CHAF1B: variants seen among roughly 807,000 people sequenced by gnomAD.
The protein encoded by CHAF1B is chromatin assembly factor 1 subunit B.
A neutral mutation model predicts 60.7 loss-of-function variants in CHAF1B; 10 were observed. That is an observed-to-expected ratio of 0.16 (90% CI 0.10 to 0.28). CHAF1B has a LOEUF of 0.28. Ranked by LOEUF, CHAF1B falls within the 10% of genes least tolerant of loss-of-function variation. The pLI, the probability that CHAF1B is intolerant of heterozygous loss-of-function variation, is 1.00. For synonymous variants in CHAF1B, 261 were observed against 266.1 expected (o/e 0.98, Z 0.19); for missense variants, 558 against 708.4 (o/e 0.79, Z 2.41).
At chr21:36,412,820 C>T in intron 11 of CHAF1B, 64 bp from the exon 12 acceptor site, 2 of 1,491,642 alleles carry the variant, frequency 1.3e-6, no homozygotes, top group Non-Finnish European at 9.0e-7. Flanking sequence ...TCGAACTTCC[C>T]TCTTCTAAGT....
At chr21:36,390,060 G>A (rs1165217130) in intron 3 of CHAF1B, among the ~76,000 whole-genome samples, 2 of 152,178 alleles carry the variant, frequency 1.3e-5, no homozygotes, top group East Asian at 1.9e-4. Context: ...CAGGCTGGGT[G>A]CGGTGGCTCA....
chr21:36,390,885 G>T (rs529394391), intron 3 of CHAF1B, among the ~76,000 whole-genome samples: 2 of 152,110 alleles, frequency 1.3e-5, no homozygotes, highest in African/African-American at 4.8e-5. Flanking sequence ...TGAGCTCCTG[G>T]GCTAAAACAA....
At chr21:36,415,895 G>A (rs941982145) in intron 13 of CHAF1B, 31 of 330,222 alleles carry the variant, frequency 9.4e-5, no homozygotes, top group Non-Finnish European at 1.8e-4. Flanking sequence ...CGGGACTACA[G>A]GCGTGCGCCA....
intron 7 of CHAF1B, among the ~76,000 whole-genome samples, chr21:36,402,076 C>T (rs1010315242): frequency 3.3e-5 from 5 of 152,004 alleles, no homozygotes; most frequent in African/African-American, 1.2e-4. Context: ...TAAAAACTGT[C>T]CCAGACAGGT....
chr21:36,398,560 G>C (rs938136828), intron 6 of CHAF1B, among the ~76,000 whole-genome samples: 1 of 151,954 alleles, frequency 6.6e-6, no homozygotes, highest in Admixed American at 6.6e-5. Context: ...GAGTTTCACC[G>C]TATTGACGAT....
rs775713429 is a variant in CHAF1B at position 36,413,333 on chromosome 21, C to T, written c.1493+18C>T. 6 of 1,534,208 alleles carry T rather than the reference C, an allele frequency of 3.9e-6. No individual in the cohort carries two copies. Among genetic ancestry groups the T allele is most frequent in the Non-Finnish European group, 5.2e-6 (6 of 1,145,058 alleles). ...ACACCCCGGTAAGAACTTGTTGGAA[C>T]AAGATGTCATTGCAAAATGAAACAC... On this transcript the variant is annotated intron_variant, in intron 12 of 13. Coordinates refer to ENST00000314103, the MANE Select transcript of CHAF1B (RefSeq NM_005441.3).
At chr21:36,394,946 G>A (rs1044394126) in intron 5 of CHAF1B, among the ~76,000 whole-genome samples, 1 of 151,844 alleles carries the variant, frequency 6.6e-6, no homozygotes, top group Admixed American at 6.6e-5. Flanking sequence ...GGCCAGGCTG[G>A]TCTCAAACTC....
chr21:36,396,719 C>T (rs1008249126), intron 5 of CHAF1B, among the ~76,000 whole-genome samples: 5 of 151,936 alleles, frequency 3.3e-5, no homozygotes, highest in Admixed American at 6.6e-5. Context: ...TTTATGCAGG[C>T]GATCTCTGTG....
Position 36,411,459 on chromosome 21 carries a change from C to T in CHAF1B, c.920-4C>T, listed in dbSNP as rs2086277597. On this transcript the variant is annotated splice_region_variant and splice_polypyrimidine_tract_variant and intron_variant, in intron 10 of 13. Coordinates refer to ENST00000314103, the MANE Select transcript of CHAF1B (RefSeq NM_005441.3). ...TTTACTTTGTCTCTGTCCCCAACCCCCAGGTGTGGAGCTGATGAGTCTGCC... is the reference window on the plus strand; with the variant it reads ...TTTACTTTGTCTCTGTCCCCAACCCTCAGGTGTGGAGCTGATGAGTCTGCC... 2 of 1,613,636 alleles carry T rather than the reference C, an allele frequency of 1.2e-6. No individual in the cohort carries two copies. The highest frequency in any genetic ancestry group is 1.7e-6 in the Non-Finnish European group (2 of 1,179,966).
At chr21:36,404,732 CTTTTTTTTTTTTT>C (rs61593376) in intron 8 of CHAF1B, among the ~76,000 whole-genome samples, 520 of 50,562 alleles carry the variant, frequency 0.01, 5 homozygotes, top group Middle Eastern at 0.022. Context: ...TTGCGCTGGC[CTTTTTTTTTTTTT>C]TTTTTTTTTT....
chr21:36,388,526 G>T, intron 3 of CHAF1B, among the ~76,000 whole-genome samples: 1 of 149,204 alleles, frequency 6.7e-6, no homozygotes, highest in African/African-American at 2.5e-5. Context: ...GAGTGCAGTG[G>T]CACAATCTTG....
intron 4 of CHAF1B, among the ~76,000 whole-genome samples, chr21:36,392,352 T>C (rs1295898140): frequency 1.3e-5 from 2 of 152,234 alleles, no homozygotes; most frequent in Non-Finnish European, 1.5e-5. Flanking sequence ...AACAATCTGA[T>C]TTCTCTATCT....
intron 11 of CHAF1B, 122 bp from the exon 12 acceptor site, chr21:36,412,761 GT>G: frequency 1.2e-6 from 1 of 865,224 alleles, no homozygotes; most frequent in South Asian, 1.8e-5. Context: ...CTCTTTTCCA[GT>G]TGTATCTTTT....
At chr21:36,407,935 G>A (rs1450848427) in intron 8 of CHAF1B, among the ~76,000 whole-genome samples, 5 of 151,710 alleles carry the variant, frequency 3.3e-5, no homozygotes, top group South Asian at 4.2e-4. Flanking sequence ...CCAAGATCAC[G>A]CCATCGCACT....
intron 8 of CHAF1B, among the ~76,000 whole-genome samples, chr21:36,403,403 G>A (rs2086208159): frequency 7.4e-6 from 1 of 135,372 alleles, no homozygotes; most frequent in Admixed American, 7.8e-5. Flanking sequence ...GGTGCAGTGA[G>A]CCGAGATCAC....
At chr21:36,397,346 T>C (rs141607866) in intron 5 of CHAF1B, 69 bp from the exon 6 acceptor site, 2 of 677,588 alleles carry the variant, frequency 3.0e-6, no homozygotes, top group African/African-American at 1.8e-5. Flanking sequence ...AGTCATAGTT[T>C]ATACTATTTG....
chr21:36,409,689 C>T (rs1210588108), intron 10 of CHAF1B, among the ~76,000 whole-genome samples: 6 of 151,544 alleles, frequency 4.0e-5, no homozygotes, highest in East Asian at 2.0e-4. Flanking sequence ...GTAGCGACAG[C>T]GTTTCACCAT....
At chr21:36,398,690 T>C (rs886933515) in intron 6 of CHAF1B, among the ~76,000 whole-genome samples, 1 of 152,210 alleles carries the variant, frequency 6.6e-6, no homozygotes, top group African/African-American at 2.4e-5. Context: ...TTTAAATGGA[T>C]ATAAAAATAA....
intron 1 of CHAF1B, among the ~76,000 whole-genome samples, 187 bp downstream of exon 1, chr21:36,385,638 C>A (rs1321905232): frequency 6.6e-6 from 1 of 151,802 alleles, no homozygotes; most frequent in Non-Finnish European, 1.5e-5. Context: ...TCCCAGCTTC[C>A]CGGGCCCAGC....
Sources: gnomAD v4.1 joint callset for allele counts (sites outside exome capture counted in the v4.1 genomes callset) on GRCh38, gnomAD v4.1.1 for gene constraint, MANE v1.5 for transcripts, NCBI Gene and HGNC (gene_info 2026-07-23, HGNC 2026-07-21) for gene names.